Variants in NRROS observed in about 807,000 individuals in gnomAD.
NRROS encodes the protein transforming growth factor beta activator LRRC33.
A neutral mutation model predicts 12.0 loss-of-function variants in NRROS; 6 were observed. The ratio of observed to expected loss-of-function variants is 0.50; its 90% CI spans 0.27 to 0.98. NRROS has a LOEUF of 0.98. Among genes scored for constraint, NRROS ranks in the 50% least tolerant of loss-of-function variants. The pLI is 0.11. For synonymous variants in NRROS, 462 were observed against 410.2 expected, an observed-to-expected ratio of 1.13 and a Z score of -1.53; for missense variants, 857 against 888.2, an observed-to-expected ratio of 0.96 and a Z score of 0.45.
At position 196,650,981 on chromosome 3, in the gene NRROS, A is replaced by G. The variant is rs568593023; in HGVS notation, c.-13-3546A>G. ...CCACCTGTTCCTGCATGCTGGGCAC[A>G]CTCTGGCTTAGATGCCCTCTTACAG... On this transcript the variant is annotated intron_variant, in intron 1 of 2. Transcript: ENST00000328557. 3.9e-5 allele frequency among the ~76,000 whole-genome samples: 6 copies of G among 152,208 alleles called. No homozygotes were observed. In the Middle Eastern group the frequency reaches 0.01, roughly 259 times the overall value.
intron 1 of NRROS, among the ~76,000 whole-genome samples, chr3:196,646,066 G>A (rs78832270): frequency 0.038 from 5,758 of 152,314 alleles, 149 homozygotes; most frequent in Admixed American, 0.071. Flanking sequence ...CGTGAAGTCC[G>A]AACATTCCCT....
At chr3:196,647,331 AG>A (rs1267637929) in intron 1 of NRROS, among the ~76,000 whole-genome samples, 4 of 152,122 alleles carry the variant, frequency 2.6e-5, no homozygotes, top group Non-Finnish European at 5.9e-5. Flanking sequence ...GACAGTTCTT[AG>A]GGGGGGAGAA....
intron 1 of NRROS, among the ~76,000 whole-genome samples, chr3:196,643,802 T>A (rs1309831435): frequency 6.6e-6 from 1 of 152,222 alleles, no homozygotes; most frequent in African/African-American, 2.4e-5. Flanking sequence ...AGGTCTCTTC[T>A]ACCCTTGCAG....
At chr3:196,643,381 C>T (rs1045032793) in intron 1 of NRROS, among the ~76,000 whole-genome samples, 13 of 152,152 alleles carry the variant, frequency 8.5e-5, no homozygotes, top group Admixed American at 2.6e-4. Flanking sequence ...ACGAGGTGGG[C>T]GCGAGGAGCA....
Position 196,657,707 on chromosome 3 carries a change from C to CAA in NRROS, c.109-2030_109-2029dup, listed in dbSNP as rs11403911. Among the ~76,000 whole-genome samples the CAA allele has an allele frequency of 1.3e-3, 166 of 123,100 alleles. 1 individual carries two copies. The highest frequency in any genetic ancestry group is 4.3e-3 in the South Asian group (16 of 3,736). The allele number at this position is 123,100 out of a possible 152,430, so 80.8% of individuals were successfully genotyped here. On this transcript the variant is annotated intron_variant, in intron 2 of 2. Coordinates refer to ENST00000328557, the MANE Select transcript of NRROS (RefSeq NM_198565.3). ...GGACGACAAGAGTGAGACTCTGTCTCAAAAAAAAAAAAAAAAGATAAAAAT... is the reference window on the plus strand; with the variant it reads ...GGACGACAAGAGTGAGACTCTGTCTCAAAAAAAAAAAAAAAAAAGATAAAAAT...
chr3:196,648,349 C>T (rs1271142688), intron 1 of NRROS, among the ~76,000 whole-genome samples: 1 of 152,198 alleles, frequency 6.6e-6, no homozygotes, highest in East Asian at 1.9e-4. Context: ...CGATGTCTTA[C>T]ATAACCACAG....
rs757058727 is a variant in NRROS at position 196,661,561 on chromosome 3, G to A, written c.1918G>A (p.Asp640Asn). Reference sequence around the variant, plus strand: ...GGAGCTGCCCGGAGGTGTGCCTCGGGACTGCAAGTGGGAGCGGCTGGACCT... The same window carrying A: ...GGAGCTGCCCGGAGGTGTGCCTCGGAACTGCAAGTGGGAGCGGCTGGACCT... ...VTELPGGVPRDCKWERLDLGL... is the reference protein window; with the variant it reads ...VTELPGGVPRNCKWERLDLGL... The change falls in exon 3 of 3, where the codon GAC becomes AAC. Residue 640 changes from aspartate to asparagine, a missense_variant. Coordinates refer to ENST00000328557, the MANE Select transcript of NRROS (RefSeq NM_198565.3). 2.5e-6 allele frequency: 4 copies of A among 1,614,034 alleles called. No homozygotes were observed. In the South Asian group the frequency reaches 3.3e-5, roughly 13 times the overall value.
intron 2 of NRROS, among the ~76,000 whole-genome samples, chr3:196,658,494 A>G (rs2108642289): frequency 6.6e-6 from 1 of 152,322 alleles, no homozygotes. Flanking sequence ...CGAGATTCAG[A>G]TTGAGTCTGT....
Position 196,661,595 on chromosome 3 carries a change from T to C in NRROS, c.1952T>C (p.Leu651Pro). 1 of 1,613,752 alleles carries C rather than the reference T, an allele frequency of 6.2e-7. No homozygotes were observed. Among genetic ancestry groups the C allele is most frequent in the Non-Finnish European group, 8.5e-7 (1 of 1,180,022 alleles). Reference sequence around the variant, plus strand: ...TGGGAGCGGCTGGACCTGGGCCTGCTCTACCTCGTGCTCATCCTCCCCAGC... The same window carrying C: ...TGGGAGCGGCTGGACCTGGGCCTGCCCTACCTCGTGCTCATCCTCCCCAGC... Reference protein sequence around the residue: ...CKWERLDLGLLYLVLILPSCL... With the variant: ...CKWERLDLGLPYLVLILPSCL... The change falls in exon 3 of 3, where the codon CTC (leucine) becomes CCC (proline). Residue 651 changes from leucine (L) to proline (P), a missense_variant. Leu to Pro is a moderately conservative substitution (Grantham distance 98, BLOSUM62 -3). Transcript: ENST00000328557.
intron 1 of NRROS, among the ~76,000 whole-genome samples, chr3:196,652,508 G>A (rs905516469): frequency 2.0e-5 from 3 of 152,198 alleles, no homozygotes; most frequent in African/African-American, 7.2e-5. Flanking sequence ...AACAGAGGCA[G>A]AATTCAAACT....
rs367755827 is a variant in NRROS, at chr3:196,649,628, C to T, written c.-13-4899C>T. Among the ~76,000 whole-genome samples the T allele has an allele frequency of 4.5e-3, 678 of 152,250 alleles. 4 individuals carry two copies. Among genetic ancestry groups the T allele is most frequent in the Non-Finnish European group, 5.4e-3 (365 of 68,016 alleles). ...CTGGGACTACAGGCGCCCGCCACCGCGCCCGGCTAATTTTTTGTATTTTTA... is the reference window on the plus strand; with the variant it reads ...CTGGGACTACAGGCGCCCGCCACCGTGCCCGGCTAATTTTTTGTATTTTTA... On this transcript the variant is annotated intron_variant, in intron 1 of 2. Transcript: ENST00000328557.
intron 1 of NRROS, among the ~76,000 whole-genome samples, chr3:196,648,083 C>T (rs1737345657): frequency 6.6e-6 from 1 of 152,156 alleles, no homozygotes; most frequent in African/African-American, 2.4e-5. Context: ...TTAATGATTC[C>T]TGGAAATATG....
chr3:196,650,472 G>A (rs1737403019), intron 1 of NRROS, among the ~76,000 whole-genome samples: 1 of 152,010 alleles, frequency 6.6e-6, no homozygotes, highest in Non-Finnish European at 1.5e-5. Flanking sequence ...GAGAGGCAGG[G>A]TTTTGCCACC....
intron 1 of NRROS, among the ~76,000 whole-genome samples, chr3:196,642,946 T>C (rs935488774): frequency 3.3e-5 from 5 of 151,958 alleles, no homozygotes; most frequent in Admixed American, 2.0e-4. Flanking sequence ...GGTGAGTCCC[T>C]GTAATCCCAG....
chr3:196,642,793 C>A (rs1181949883), intron 1 of NRROS, among the ~76,000 whole-genome samples: 1 of 152,100 alleles, frequency 6.6e-6, no homozygotes, highest in East Asian at 1.9e-4. Context: ...CACTTTCGGC[C>A]GGGCGCGGTG....
Position 196,661,347 on chromosome 3 carries a change from C to G in NRROS, c.1704C>G (p.Asn568Lys). The change falls in exon 3 of 3, where the codon AAC becomes AAG. Residue 568 changes from asparagine to lysine, a missense_variant. Transcript: ENST00000328557. ...LALETLDLRR[N>K]SLTALPQKAV... is the part of the protein sequence containing the mutation. ...TGGAGACCCTGGATCTCCGTAGAAA[C>G]TCGCTCACAGCCCTTCCCCAGAAGG... 1 of 1,584,160 alleles carries G rather than the reference C, an allele frequency of 6.3e-7. No homozygotes were observed. Among genetic ancestry groups the G allele is most frequent in the Non-Finnish European group, 8.6e-7 (1 of 1,164,354 alleles).
chr3:196,647,325 G>T (rs959983469), intron 1 of NRROS, among the ~76,000 whole-genome samples: 1 of 152,174 alleles, frequency 6.6e-6, no homozygotes, highest in Non-Finnish European at 1.5e-5. Flanking sequence ...GTGTGAGACA[G>T]TTCTTAGGGG....
At chr3:196,646,029 G>T (rs966219492) in intron 1 of NRROS, among the ~76,000 whole-genome samples, 1 of 152,364 alleles carries the variant, frequency 6.6e-6, no homozygotes, top group South Asian at 2.1e-4. Context: ...GCCTTGGAAG[G>T]CTTGGTGGGG....
At position 196,661,558 on chromosome 3, in the gene NRROS, C is replaced by G; in HGVS notation, c.1915C>G (p.Arg639Gly). 6.2e-7 allele frequency: 1 copy of G among 1,614,006 alleles called. No homozygotes were observed. The highest frequency in any genetic ancestry group is 1.1e-5 in the South Asian group (1 of 91,082). Residue 639 changes from arginine (R) to glycine (G), a missense_variant, in exon 3 of 3, where the codon CGG becomes GGG. Physicochemically the swap from Arg to Gly is moderately radical, Grantham distance 125 (BLOSUM62 -2). Transcript: ENST00000328557. Reference sequence around the variant, plus strand: ...GACGGAGCTGCCCGGAGGTGTGCCTCGGGACTGCAAGTGGGAGCGGCTGGA... The same window carrying G: ...GACGGAGCTGCCCGGAGGTGTGCCTGGGGACTGCAAGTGGGAGCGGCTGGA... ...RVTELPGGVP[R>G]DCKWERLDLG...
Sources: gnomAD v4.1 joint callset for allele counts (sites outside exome capture counted in the v4.1 genomes callset) on GRCh38, gnomAD v4.1.1 for gene constraint, MANE v1.5 for transcripts, NCBI Gene and HGNC (gene_info 2026-07-23, HGNC 2026-07-21) for gene names.